The following VPS13B variants were observed in gnomAD, a reference collection of about 807,000 sequenced individuals.
The protein encoded by VPS13B is intermembrane lipid transfer protein VPS13B.
Under a neutral mutation model 426.4 loss-of-function variants are expected in VPS13B, and 285 were observed. That is an observed-to-expected ratio of 0.67 (90% CI 0.61 to 0.74). VPS13B has a LOEUF of 0.74. VPS13B is among the 30% of genes least tolerant of loss of function. The pLI is 0.00. For missense variants in VPS13B, 4,537 were observed against 4,782.6 expected (o/e 0.95, Z 1.51); for synonymous variants, 1,676 against 1,676.4 (o/e 1.00, Z 0.01).
rs1355134809 is a variant in VPS13B at position 99,703,911 on chromosome 8, G to A, written c.6454+3979G>A. Among the ~76,000 whole-genome samples the A allele has an allele frequency of 3.3e-5, 5 of 152,116 alleles. No individual in the cohort carries two copies. The East Asian group carries it at 5.8e-4, about 18-fold the overall frequency. ...TTAGGCTGCCTTGCTCTTTCTCGGG[G>A]CACTTAGATTGGCAGCCTCCATATA... On this transcript the variant is annotated intron_variant, in intron 36 of 61. Coordinates refer to ENST00000357162, the MANE Select transcript of VPS13B (RefSeq NM_152564.5).
intron 19 of VPS13B, among the ~76,000 whole-genome samples, chr8:99,315,729 C>T (rs970033697): frequency 2.0e-4 from 31 of 152,046 alleles, no homozygotes; most frequent in African/African-American, 5.1e-4. Context: ...CTCCGCCTCC[C>T]GGGTTCATGC....
intron 35 of VPS13B, among the ~76,000 whole-genome samples, chr8:99,692,094 G>A (rs1831698531): frequency 7.0e-6 from 1 of 142,774 alleles, no homozygotes; most frequent in South Asian, 2.3e-4. Context: ...ATTAATAATG[G>A]GAGACTTTAA....
At chr8:99,216,567 G>A (rs1356237222) in intron 17 of VPS13B, among the ~76,000 whole-genome samples, 1 of 151,266 alleles carries the variant, frequency 6.6e-6, no homozygotes, top group Non-Finnish European at 1.5e-5. Flanking sequence ...GGAAAAGGAG[G>A]GAAAGAGATT....
rs769549149 is a variant in VPS13B, at chr8:99,096,110, CTA to C, written c.292-200_292-199del. 6.6e-4 allele frequency among the ~76,000 whole-genome samples: 101 copies of C among 152,156 alleles called. 1 individual carries two copies. Among genetic ancestry groups the C allele is most frequent in the Non-Finnish European group, 1.1e-3 (72 of 68,008 alleles). On this transcript the variant is annotated intron_variant, in intron 3 of 61. Coordinates refer to ENST00000357162, the MANE Select transcript of VPS13B (RefSeq NM_152564.5). Reference sequence around the variant, plus strand: ...AGAAAGAAGAATTTATAGTTTTAAACTATGAGTTATTAATATTTTTTAAATGC... The same window carrying C: ...AGAAAGAAGAATTTATAGTTTTAAACTGAGTTATTAATATTTTTTAAATGC...
chr8:99,523,833 C>T (rs1419446727), intron 30 of VPS13B, among the ~76,000 whole-genome samples: 1 of 152,060 alleles, frequency 6.6e-6, no homozygotes, highest in Non-Finnish European at 1.5e-5. Flanking sequence ...GCCCAGACAT[C>T]GATGAACATT....
In VPS13B at chr8:99,541,644, T is replaced by G. The variant is rs566232773; in HGVS notation, c.4746-14806T>G. Among the ~76,000 whole-genome samples, 3 of 152,316 alleles carry G rather than the reference T, an allele frequency of 2.0e-5. No homozygotes were observed. In the East Asian group the frequency reaches 5.8e-4, roughly 29 times the overall value. On this transcript the variant is annotated intron_variant, in intron 30 of 61. Transcript: ENST00000357162. ...GTATAACTCTTGCCATGTTAAAACA[T>G]TCATGCCGAAAGTAAATAAATCTAT...
At position 99,766,932 on chromosome 8, in the gene VPS13B, T is replaced by A; in HGVS notation, c.7209T>A (p.Ile2403=). 6.2e-7 allele frequency: 1 copy of A among 1,613,990 alleles called. No individual in the cohort carries two copies. Among genetic ancestry groups the A allele is most frequent in the East Asian group, 2.2e-5 (1 of 44,816 alleles). Residue 2403 remains isoleucine, a synonymous_variant, in exon 40 of 62, where the codon ATT becomes ATA. Coordinates refer to ENST00000357162, the MANE Select transcript of VPS13B (RefSeq NM_152564.5). The part of the protein sequence containing the change: ...KKLVSSDLWR[I]VLNSSQNGAD... ...TAGTATCTTCAGATCTTTGGAGAAT[T>A]GTCTTGAACAGCAGTCAAAATGGAG...
chr8:99,184,246 A>G (rs542845545), intron 16 of VPS13B, among the ~76,000 whole-genome samples: 53 of 152,316 alleles, frequency 3.5e-4, no homozygotes, highest in African/African-American at 1.3e-3. Context: ...CTACAGGGGT[A>G]TGGTTGGATT....
chr8:99,664,752 A>G (rs138458803), intron 35 of VPS13B, among the ~76,000 whole-genome samples: 20,663 of 152,116 alleles, frequency 0.14, 1,957 homozygotes, highest in East Asian at 0.39. Flanking sequence ...AGTCTTTGCT[A>G]TTGTGAATAG....
chr8:99,717,069 G>A lies in VPS13B; in HGVS notation c.6455-102G>A, dbSNP rs559171551. The A allele has an allele frequency of 4.0e-5, 48 of 1,202,446 alleles. No individual in the cohort carries two copies. The African/African-American group carries it at 7.0e-4, about 18-fold the overall frequency. The allele number at this position is 1,202,446 out of a possible 1,614,324, so 74.5% of individuals were successfully genotyped here. A position where few individuals can be genotyped will look rare whatever the true frequency, so the allele number is the denominator to read the frequency against. ...ACTGCCAACCAAGCAAGACGACTCTGACAAAGGATGAATTAATACTCTTCA... is the reference window on the plus strand; with the variant it reads ...ACTGCCAACCAAGCAAGACGACTCTAACAAAGGATGAATTAATACTCTTCA... On this transcript the variant is annotated intron_variant, in intron 36 of 61. Transcript: ENST00000357162.
intron 39 of VPS13B, among the ~76,000 whole-genome samples, chr8:99,757,628 T>G (rs1189025829): frequency 6.6e-6 from 1 of 152,238 alleles, no homozygotes; most frequent in African/African-American, 2.4e-5. Flanking sequence ...GCCAAAATAT[T>G]CTTTGTACCA....
chr8:99,835,938 C>T (rs573298274), intron 54 of VPS13B, among the ~76,000 whole-genome samples, 200 bp downstream of exon 54: 46 of 152,168 alleles, frequency 3.0e-4, no homozygotes, highest in Non-Finnish European at 6.2e-4. Context: ...GTAGACTACA[C>T]AATCATTGAC....
At chr8:99,423,568 G>A (rs1043292949) in intron 21 of VPS13B, among the ~76,000 whole-genome samples, 3 of 151,874 alleles carry the variant, frequency 2.0e-5, no homozygotes, top group African/African-American at 4.8e-5. Flanking sequence ...CACCATGGCC[G>A]GCATGTTTAA....
intron 43 of VPS13B, among the ~76,000 whole-genome samples, chr8:99,808,107 G>A (rs1405314987): frequency 6.6e-6 from 1 of 151,834 alleles, no homozygotes; most frequent in Non-Finnish European, 1.5e-5. Context: ...GTTTTATTCT[G>A]TCTACTAATT....
At chr8:99,348,063 T>C (rs1811641888) in intron 19 of VPS13B, 1 of 152,274 alleles carries the variant, frequency 6.6e-6, no homozygotes, top group Non-Finnish European at 1.5e-5. Context: ...CAGGTACATC[T>C]TACTCTGTTC....
chr8:99,233,875 C>T (rs1241499038), intron 17 of VPS13B: 23 of 779,970 alleles, frequency 2.9e-5, no homozygotes, highest in Admixed American at 2.2e-4. Flanking sequence ...TTTCAAGAAT[C>T]GTGTGGCATG....
intron 31 of VPS13B, among the ~76,000 whole-genome samples, chr8:99,566,978 C>G (rs12155698): frequency 6.6e-6 from 1 of 152,102 alleles, no homozygotes; most frequent in Non-Finnish European, 1.5e-5. Flanking sequence ...TCACTGTAAC[C>G]TCCAACTCCT....
rs188737125 is a variant in VPS13B at position 99,490,459 on chromosome 8, T to C, written c.3870+8657T>C. ...TTCCCTCTTCTTCTATTGATTGGAA[T>C]AGTTTCAGAAGGAATGGAACCAGGT... On this transcript the variant is annotated intron_variant, in intron 25 of 61. Coordinates refer to ENST00000357162, the MANE Select transcript of VPS13B (RefSeq NM_152564.5). Among the ~76,000 whole-genome samples the C allele has an allele frequency of 2.0e-4, 31 of 152,346 alleles. 1 individual carries two copies. Among genetic ancestry groups the C allele is most frequent in the Middle Eastern group, 3.4e-3 (1 of 294 alleles).
chr8:99,853,716 G>C lies in VPS13B; in HGVS notation c.10327G>C (p.Val3443Leu), dbSNP rs779497740. ...TAACAAGTCCAATTTCCACTTTGCT[G>C]TCTTAGTCTGCCAGGGAGAAAAAGC... ...LYNKSNFHFAVLVCQGEKAEP... is the reference protein window; with the variant it reads ...LYNKSNFHFALLVCQGEKAEP... Residue 3443 changes from valine (V) to leucine (L), a missense_variant, in exon 56 of 62, where the codon GTC becomes CTC. Val to Leu is a conservative substitution (Grantham distance 32). Coordinates refer to ENST00000357162, the MANE Select transcript of VPS13B (RefSeq NM_152564.5). 1 of 1,614,174 alleles carries C rather than the reference G, an allele frequency of 6.2e-7. No individual in the cohort carries two copies. Among genetic ancestry groups the C allele is most frequent in the South Asian group, 1.1e-5 (1 of 91,080 alleles).
Sources: allele counts gnomAD v4.1 joint callset (sites outside exome capture counted in the v4.1 genomes callset), GRCh38; gene constraint gnomAD v4.1.1; transcripts MANE v1.5; gene names NCBI Gene and HGNC (gene_info 2026-07-23, HGNC 2026-07-21).